The following STK11IP variants were observed in gnomAD, a reference collection of about 807,000 sequenced individuals.
STK11IP encodes the protein serine/threonine kinase 11 interacting protein.
A neutral mutation model predicts 131.7 loss-of-function variants in STK11IP; 103 were observed. The ratio of observed to expected loss-of-function variants is 0.78; its 90% confidence interval spans 0.67 to 0.92. The LOEUF (loss-of-function observed/expected upper bound fraction) is 0.92, where lower values mean the gene tolerates loss of function less well. Among genes scored for constraint, STK11IP ranks in the 40% least tolerant of loss-of-function variants. STK11IP has a pLI of 0.00. For missense variants in STK11IP, 1,315 were observed against 1,385.7 expected (o/e 0.95, Z 0.81); for synonymous variants, 557 against 575.6 (o/e 0.97, Z 0.46).
At chr2:219,609,304 G>A in intron 16 of STK11IP, 59 bp from the exon 17 acceptor site, 2 of 1,592,786 alleles carry the variant, frequency 1.3e-6, no homozygotes, top group Non-Finnish European at 1.7e-6. Context: ...GGGGGCCTGT[G>A]GGAGGTGTCC....
intron 5 of STK11IP, 80 bp from the exon 6 acceptor site, chr2:219,602,388 G>A: frequency 6.5e-6 from 7 of 1,069,060 alleles, no homozygotes; most frequent in Non-Finnish European, 8.4e-6. Context: ...AAATGAATGA[G>A]TGACTGGGTG....
At chr2:219,614,699 C>T (rs1698518709) in intron 23 of STK11IP, 153 bp downstream of exon 23, 2 of 839,104 alleles carry the variant, frequency 2.4e-6, no homozygotes, top group Admixed American at 2.0e-5. Flanking sequence ...AGCTGAGTAA[C>T]AGCCTCAGTG....
intron 24 of STK11IP, 81 bp downstream of exon 24, chr2:219,615,422 T>C (rs1050639641): frequency 6.5e-7 from 1 of 1,529,038 alleles, no homozygotes; most frequent in African/African-American, 1.4e-5. Context: ...GGGTGGGAAA[T>C]GGGTCTAGGA....
At position 219,611,565 on chromosome 2, in the gene STK11IP, G is replaced by C. The variant is rs115415957; in HGVS notation, c.2105-39G>C. 3,758 of 1,496,416 alleles carry C rather than the reference G, an allele frequency of 2.5e-3. 41 individuals are homozygous for C. The African/African-American group carries it at 0.034, about 14-fold the overall frequency. 92.7% of individuals were successfully genotyped at this position (1,496,416 alleles called of 1,614,324 possible). On this transcript the variant is annotated intron_variant, in intron 17 of 24. Coordinates refer to ENST00000456909, the MANE Select transcript of STK11IP (RefSeq NM_052902.4). ...AGCATGGTGGGAGTTGTGGCACTGT[G>C]GGGGGGGCTCATGGGGACCGTGTCC... is the stretch of plus-strand genomic sequence containing the variant.
At position 219,601,709 on chromosome 2, in the gene STK11IP, C is replaced by G. The variant is rs377268531; in HGVS notation, c.336C>G (p.His112Gln). The change falls in exon 4 of 25, where the codon CAC (histidine) becomes CAG (glutamine). Residue 112 changes from histidine (H) to glutamine (Q), a missense_variant. Coordinates refer to ENST00000456909, the MANE Select transcript of STK11IP (RefSeq NM_052902.4). ...IKIFPFKSLR[H>Q]LELRGVPLHC... is the part of the protein sequence containing the mutation. The stretch of plus-strand genomic sequence containing the variant: ...TTTTCCCCTTCAAATCCCTTCGGCA[C>G]CTGGAGGTATGGGGACACGGGGGGA... 1 of 1,602,162 alleles carries G rather than the reference C, an allele frequency of 6.2e-7. No homozygotes were observed. The highest frequency in any genetic ancestry group is 8.5e-7 in the Non-Finnish European group (1 of 1,173,782).
intron 14 of STK11IP, 40 bp from the exon 15 acceptor site, chr2:219,608,542 CT>C (rs1187140624): frequency 6.5e-7 from 1 of 1,549,344 alleles, no homozygotes; most frequent in South Asian, 1.2e-5. Flanking sequence ...AGTGTGGGTA[CT>C]TTCCCTCCCT....
chr2:219,607,181 C>A (rs1328491959), intron 13 of STK11IP, 44 bp downstream of exon 13: 1 of 1,581,332 alleles, frequency 6.3e-7, no homozygotes, highest in Non-Finnish European at 8.7e-7. Flanking sequence ...CCCCAGCGAG[C>A]TCACTCTAAT....
chr2:219,611,188 A>T (rs957610088), intron 17 of STK11IP, among the ~76,000 whole-genome samples: 1 of 152,166 alleles, frequency 6.6e-6, no homozygotes, highest in African/African-American at 2.4e-5. Context: ...TGGAGCCTGG[A>T]ATTGGACCGA....
intron 4 of STK11IP, 52 bp downstream of exon 4, chr2:219,601,767 C>T (rs1697994150): frequency 1.9e-6 from 3 of 1,556,214 alleles, no homozygotes; most frequent in Non-Finnish European, 2.6e-6. Context: ...TGAGGCAGCC[C>T]CTTGGGGATG....
chr2:219,599,633 T>C (rs1697914064), intron 2 of STK11IP, among the ~76,000 whole-genome samples: 1 of 152,174 alleles, frequency 6.6e-6, no homozygotes, highest in Non-Finnish European at 1.5e-5. Flanking sequence ...GAGAAGAGCT[T>C]TGTGGCAGCA....
Position 219,609,408 on chromosome 2 carries a change from C to T in STK11IP, c.1972C>T (p.Gln658Ter). 6.2e-7 allele frequency: 1 copy of T among 1,613,498 alleles called. No individual in the cohort carries two copies. The highest frequency in any genetic ancestry group is 1.1e-5 in the South Asian group (1 of 90,966). The change falls in exon 17 of 25, where the codon CAG becomes TAG. Residue 658 changes from glutamine to a stop codon, truncating the protein, a stop_gained. Transcript: ENST00000456909. LOFTEE classifies it high-confidence loss of function. ...LTPVTNVARE[Q>*]LGEARDLLLG... Reference sequence around the variant, plus strand: ...CCCAGTCACCAATGTGGCTCGGGAACAGCTTGGGGAGGCCAGGGACCTCCT... The same window carrying T: ...CCCAGTCACCAATGTGGCTCGGGAATAGCTTGGGGAGGCCAGGGACCTCCT...
rs751222341 is a variant in STK11IP, at chr2:219,611,677, C to T, written c.2178C>T (p.Asn726=). 1 of 1,613,170 alleles carries T rather than the reference C, an allele frequency of 6.2e-7. No homozygotes were observed. Among genetic ancestry groups the T allele is most frequent in the East Asian group, 2.2e-5 (1 of 44,868 alleles). Residue 726 remains asparagine, a synonymous_variant, in exon 18 of 25, where the codon AAC becomes AAT. Transcript: ENST00000456909. ...TCGCTGTGTCTCGGGGAACCCCCAA[C>T]AGGGAGCGGAAACAGGGAGAGCAGT... The part of the protein sequence containing the change: ...VLLAVSRGTP[N]RERKQGEQSL...
At position 219,608,068 on chromosome 2, in the gene STK11IP, C is replaced by T. The variant is rs376877250; in HGVS notation, c.1241C>T (p.Pro414Leu). The T allele has an allele frequency of 2.5e-5, 40 of 1,611,878 alleles. No homozygotes were observed. The highest frequency in any genetic ancestry group is 1.3e-4 in the Admixed American group (8 of 59,988). The change falls in exon 14 of 25, where the codon CCG (proline) becomes CTG (leucine). Residue 414 changes from proline (P) to leucine (L), a missense_variant. Physicochemically the swap from Pro to Leu is moderately conservative, Grantham distance 98. Coordinates refer to ENST00000456909, the MANE Select transcript of STK11IP (RefSeq NM_052902.4). ...CTAGGATGGTTCGTGCAGCAGCACC[C>T]GGAGCTGGAGCTCATGAGCAGCTTC... ...SPAGWFVQQH[P>L]ELELMSSFRE...
chr2:219,611,756 G>A lies in STK11IP; in HGVS notation c.2257G>A (p.Asp753Asn), dbSNP rs1466042326. 1 of 1,613,036 alleles carries A rather than the reference G, an allele frequency of 6.2e-7. No individual in the cohort carries two copies. Among genetic ancestry groups the A allele is most frequent in the Non-Finnish European group, 8.5e-7 (1 of 1,179,870 alleles). ...SPVCHPPGHG[D>N]HLDRAKNSPP... ...TGTCTGCCACCCTCCTGGCCATGGT[G>A]ACCACCTTGACAGGGCCAAGAACAG... The change falls in exon 18 of 25, where the codon GAC becomes AAC. Residue 753 changes from aspartate (D) to asparagine (N), a missense_variant. Coordinates refer to ENST00000456909, the MANE Select transcript of STK11IP (RefSeq NM_052902.4).
At position 219,607,089 on chromosome 2, in the gene STK11IP, C is replaced by A; in HGVS notation, c.1171C>A (p.Pro391Thr). 4.3e-6 allele frequency: 7 copies of A among 1,613,898 alleles called. No homozygotes were observed. Among genetic ancestry groups the A allele is most frequent in the South Asian group, 2.2e-5 (2 of 91,090 alleles). Residue 391 changes from proline (P) to threonine (T), a missense_variant, in exon 13 of 25, where the codon CCC (proline) becomes ACC (threonine). Pro to Thr is a conservative substitution (Grantham distance 38). Coordinates refer to ENST00000456909, the MANE Select transcript of STK11IP (RefSeq NM_052902.4). The stretch of plus-strand genomic sequence containing the variant: ...TGTGAGGCGGGCAAGCATCTCTGAA[C>A]CCAGTGATACGGACCCGGAGCCCCG... Reference protein sequence around the residue: ...VRVRRASISEPSDTDPEPRTL... With the variant: ...VRVRRASISETSDTDPEPRTL...
chr2:219,608,930 T>A, intron 15 of STK11IP, 142 bp downstream of exon 15: 1 of 1,141,192 alleles, frequency 8.8e-7, no homozygotes, highest in Non-Finnish European at 1.2e-6. Flanking sequence ...TTGCAAGCAC[T>A]CGGGAAGCTG....
At position 219,611,651 on chromosome 2, in the gene STK11IP, C is replaced by T. The variant is rs1395478778; in HGVS notation, c.2152C>T (p.Leu718Phe). The change falls in exon 18 of 25, where the codon CTC (leucine) becomes TTC (phenylalanine). Residue 718 changes from leucine to phenylalanine, a missense_variant. Physicochemically the swap from Leu to Phe is conservative, Grantham distance 22 (BLOSUM62 0). Transcript: ENST00000456909. ...CTGTGGTAGTGACCACGTGGTTCTC[C>T]TCGCTGTGTCTCGGGGAACCCCCAA... ...PNCGSDHVVL[L>F]AVSRGTPNRE... is the part of the protein sequence containing the mutation. The T allele has an allele frequency of 1.2e-6, 2 of 1,613,054 alleles. No individual in the cohort carries two copies. The highest frequency in any genetic ancestry group is 1.7e-5 in the Admixed American group (1 of 60,000).
intron 10 of STK11IP, 41 bp downstream of exon 10, chr2:219,606,331 G>T (rs1426006264): frequency 6.5e-7 from 1 of 1,549,592 alleles, no homozygotes; most frequent in Admixed American, 2.0e-5. Flanking sequence ...CCCCTTTCCT[G>T]CCCAGTCCTC....
At chr2:219,607,907 G>T (rs1443563628) in intron 13 of STK11IP, 140 bp from the exon 14 acceptor site, 2 of 1,114,306 alleles carry the variant, frequency 1.8e-6, no homozygotes, top group East Asian at 5.2e-5. Flanking sequence ...ACATGCCGCG[G>T]AGGGGACGCC....
Sources: gnomAD v4.1 joint callset for allele counts (sites outside exome capture counted in the v4.1 genomes callset) on GRCh38, gnomAD v4.1.1 for gene constraint, MANE v1.5 for transcripts, NCBI Gene and HGNC (gene_info 2026-07-23, HGNC 2026-07-21) for gene names.